Variants in USP32 observed in about 807,000 individuals in gnomAD.
USP32 encodes ubiquitin specific peptidase 32.
A neutral mutation model predicts 204.8 loss-of-function variants in USP32; 59 were observed. The observed-to-expected ratio is 0.29, with a 90% CI of 0.23 to 0.36. USP32 has a LOEUF of 0.36. Among genes scored for constraint, USP32 ranks in the 10% least tolerant of loss-of-function variants. The pLI, the probability that USP32 is intolerant of heterozygous loss-of-function variation, is 1.00. For synonymous variants in USP32, 517 were observed against 678.4 expected (o/e 0.76, Z 3.70); for missense variants, 1,160 against 1,946.4 (o/e 0.60, Z 7.60).
At position 60,269,599 on chromosome 17, in the gene USP32, C is replaced by T; in HGVS notation, c.704-42G>A. ...GATGCCATAAATCACAGCCAAGCTT[C>T]CTAATGTTAATAATGACATGTTTAC... On this transcript the variant is annotated intron_variant, in intron 6 of 33. Coordinates refer to ENST00000300896, the MANE Select transcript of USP32 (RefSeq NM_032582.4). 5 of 1,485,384 alleles carry T rather than the reference C, an allele frequency of 3.4e-6. No individual in the cohort carries two copies. In the South Asian group the frequency reaches 6.1e-5, roughly 18 times the overall value. The allele number at this position is 1,485,384 out of a possible 1,614,324, so 92.0% of individuals were successfully genotyped here. A position where few individuals can be genotyped will look rare whatever the true frequency, so the allele number is the denominator to read the frequency against.
chr17:60,411,969 G>A (rs960518608), intron 1 of USP32, among the ~76,000 whole-genome samples: 1 of 151,552 alleles, frequency 6.6e-6, no homozygotes. Context: ...ATCTGTTTGA[G>A]TCCCTGCATT....
intron 1 of USP32, among the ~76,000 whole-genome samples, chr17:60,365,086 T>A (rs922025072): frequency 5.3e-5 from 8 of 152,254 alleles, no homozygotes; most frequent in Non-Finnish European, 1.2e-4. Context: ...AGGGAAAGTT[T>A]TTTTTAAATG....
chr17:60,179,319 G>A lies in USP32; in HGVS notation c.4751C>T (p.Ala1584Val), dbSNP rs1012960628. ...GTCTTCATCCATACTGCTTGTGTCT[G>A]CCATCTTTTTGCCATCAGTCTTTGG... ...FLPKTDGKKM[A>V]DTSSMDEDFE... is the part of the protein sequence containing the mutation. The change falls in exon 34 of 34, where the codon GCA (alanine) becomes GTA (valine). Residue 1584 changes from alanine to valine, a missense_variant. By Grantham distance (64) the Ala-to-Val change is moderately conservative (BLOSUM62 0). Coordinates refer to ENST00000300896, the MANE Select transcript of USP32 (RefSeq NM_032582.4). 1.2e-6 allele frequency: 2 copies of A among 1,613,892 alleles called. No individual in the cohort carries two copies. The highest frequency in any genetic ancestry group is 8.5e-7 in the Non-Finnish European group (1 of 1,179,856).
chr17:60,225,799 C>T (rs973265851), intron 13 of USP32, among the ~76,000 whole-genome samples: 1 of 151,972 alleles, frequency 6.6e-6, no homozygotes, highest in African/African-American at 2.4e-5. Flanking sequence ...TAAAAAAATA[C>T]AAAAATTAGC....
At position 60,345,555 on chromosome 17, in the gene USP32, GT is replaced by G; in HGVS notation, c.111del (p.Leu38SerfsTer26). Reference sequence around the variant, plus strand: ...CAGTGCTGGCCCATGTAATATGAGAGTCCACAGGTCCTCTTGAAAGCATCCT... The same window carrying G: ...CAGTGCTGGCCCATGTAATATGAGAGCCACAGGTCCTCTTGAAAGCATCCT... ...RLKDAFKRTCGLSYYMGQHCF... is the reference protein window; with the variant it reads ...RLKDAFKRTCXLSYYMGQHCF... On this transcript the variant is annotated frameshift_variant, in exon 2 of 34. Transcript: ENST00000300896. LOFTEE classifies it high-confidence loss of function. 6.2e-7 allele frequency: 1 copy of G among 1,614,160 alleles called. No homozygotes were observed. The highest frequency in any genetic ancestry group is 8.5e-7 in the Non-Finnish European group (1 of 1,180,014).
At chr17:60,340,598 A>C (rs989708344) in intron 2 of USP32, among the ~76,000 whole-genome samples, 4 of 152,132 alleles carry the variant, frequency 2.6e-5, no homozygotes, top group African/African-American at 9.7e-5. Flanking sequence ...AATACAGCAC[A>C]CTGATGGGTC....
intron 5 of USP32, among the ~76,000 whole-genome samples, chr17:60,276,838 CTTT>C (rs2086850624): frequency 6.6e-6 from 1 of 151,832 alleles, no homozygotes; most frequent in Non-Finnish European, 1.5e-5. Flanking sequence ...GAAAAACATC[CTTT>C]AGTGCTGACG....
At chr17:60,410,303 T>A (rs1316038480) in intron 1 of USP32, among the ~76,000 whole-genome samples, 1 of 152,056 alleles carries the variant, frequency 6.6e-6, no homozygotes, top group Non-Finnish European at 1.5e-5. Flanking sequence ...TGACCCCCTA[T>A]GATTTCATCC....
chr17:60,307,026 A>T (rs184945331), intron 2 of USP32, among the ~76,000 whole-genome samples: 1 of 152,304 alleles, frequency 6.6e-6, no homozygotes, highest in Admixed American at 6.5e-5. Flanking sequence ...GATGAAAGAA[A>T]TTGAAGAGGA....
intron 2 of USP32, among the ~76,000 whole-genome samples, chr17:60,317,542 G>A (rs1044361298): frequency 1.3e-5 from 2 of 149,546 alleles, no homozygotes; most frequent in Admixed American, 6.7e-5. Context: ...AGTTAAAATG[G>A]TTAATTTTAT....
At chr17:60,386,561 G>T (rs2089734958) in intron 1 of USP32, among the ~76,000 whole-genome samples, 2 of 152,110 alleles carry the variant, frequency 1.3e-5, no homozygotes, top group African/African-American at 2.4e-5. Flanking sequence ...TTCTCGTCCT[G>T]AGAAAATATC....
intron 11 of USP32, chr17:60,245,476 A>T (rs1362644713): frequency 2.9e-6 from 1 of 341,542 alleles, no homozygotes; most frequent in Non-Finnish European, 5.6e-6. Flanking sequence ...GCCACTGGGC[A>T]GCATGTGGTT....
At chr17:60,283,980 TA>T (rs762619873) in intron 5 of USP32, among the ~76,000 whole-genome samples, 25 of 152,182 alleles carry the variant, frequency 1.6e-4, no homozygotes, top group Non-Finnish European at 3.1e-4. Context: ...AGGGGAACAG[TA>T]AAACTCGTAA....
rs34842511 is a variant in USP32 at position 60,244,029 on chromosome 17, G to GTTTTTTTTTTTTTTTT, written c.1137-7805_1137-7790dup. The stretch of plus-strand genomic sequence containing the variant: ...TTTGAATCTCAAGTAGCTGGATTGT[G>GTTTTTTTTTTTTTTTT]TTTTTTTTTTTTTTTTTTTTTTTTG... On this transcript the variant is annotated intron_variant, in intron 11 of 33. Transcript: ENST00000300896. Among the ~76,000 whole-genome samples, 30 of 71,692 alleles carry GTTTTTTTTTTTTTTTT rather than the reference G, an allele frequency of 4.2e-4. 4 individuals are homozygous for GTTTTTTTTTTTTTTTT. Among genetic ancestry groups the GTTTTTTTTTTTTTTTT allele is most frequent in the African/African-American group, 2.1e-3 (30 of 14,180 alleles). The allele number at this position is 71,692 out of a possible 152,430, so 47.0% of individuals were successfully genotyped here.
At chr17:60,331,967 GCA>G (rs1233542059) in intron 2 of USP32, among the ~76,000 whole-genome samples, 1 of 151,622 alleles carries the variant, frequency 6.6e-6, no homozygotes, top group African/African-American at 2.4e-5. Context: ...TTGAGGTCAG[GCA>G]CAGTGGCTCA....
At chr17:60,199,067 G>C (rs908796552) in intron 26 of USP32, among the ~76,000 whole-genome samples, 8 of 150,972 alleles carry the variant, frequency 5.3e-5, no homozygotes, top group African/African-American at 2.0e-4. Context: ...AGTGAGCTGT[G>C]ATCGTGCCAC....
intron 15 of USP32, among the ~76,000 whole-genome samples, chr17:60,220,647 CTTT>C (rs903177829): frequency 7.1e-6 from 1 of 141,248 alleles, no homozygotes. Flanking sequence ...ACTGAAACTC[CTTT>C]TTTTTTTTTT....
intron 1 of USP32, among the ~76,000 whole-genome samples, chr17:60,381,463 T>C (rs1327702985): frequency 6.6e-6 from 1 of 152,124 alleles, no homozygotes. Context: ...AAAAGGTTTT[T>C]ATCTGTCCCT....
chr17:60,230,376 T>C (rs2145608018), intron 12 of USP32, among the ~76,000 whole-genome samples: 1 of 152,336 alleles, frequency 6.6e-6, no homozygotes, highest in South Asian at 2.1e-4. Context: ...TAAATCTATA[T>C]ATATCACTGG....
Sources: gnomAD v4.1 joint callset for allele counts (sites outside exome capture counted in the v4.1 genomes callset) on GRCh38, gnomAD v4.1.1 for gene constraint, MANE v1.5 for transcripts, NCBI Gene and HGNC (gene_info 2026-07-23, HGNC 2026-07-21) for gene names.